NOL9: variants seen among roughly 807,000 people sequenced by gnomAD.
The protein encoded by NOL9 is polynucleotide 5'-hydroxyl-kinase NOL9.
A neutral mutation model predicts 67.9 loss-of-function variants in NOL9; 28 were observed. That is an observed-to-expected ratio of 0.41 (90% CI 0.31 to 0.57). The LOEUF (loss-of-function observed/expected upper bound fraction) is 0.57. NOL9 is among the 20% of genes least tolerant of loss of function. NOL9 has a pLI of 0.25. For synonymous variants in NOL9, 356 were observed against 352.2 expected (o/e 1.01, Z -0.12); for missense variants, 777 against 897.0 (o/e 0.87, Z 1.71).
At chr1:6,536,151 C>G (rs1255327837) in intron 6 of NOL9, among the ~76,000 whole-genome samples, 2 of 150,518 alleles carry the variant, frequency 1.3e-5, no homozygotes, top group Non-Finnish European at 3.0e-5. Context: ...TCGAGACCAT[C>G]CTGGCTAAAG....
rs1639074947 is a variant in NOL9 at position 6,533,263 on chromosome 1, T to C, written c.1237+17A>G. ...ACTGCCTGTCCTTCCCTTGCAGATG[T>C]GCACATGCAGGCTTACCTGAAACCC... On this transcript the variant is annotated intron_variant, in intron 7 of 11. Coordinates refer to ENST00000377705, the MANE Select transcript of NOL9 (RefSeq NM_024654.5). 1.3e-6 allele frequency: 2 copies of C among 1,564,306 alleles called. No individual in the cohort carries two copies. Among genetic ancestry groups the C allele is most frequent in the Non-Finnish European group, 1.7e-6 (2 of 1,151,776 alleles).
intron 3 of NOL9, among the ~76,000 whole-genome samples, chr1:6,546,363 T>G (rs1048337293): frequency 6.6e-6 from 1 of 152,202 alleles, no homozygotes; most frequent in Non-Finnish European, 1.5e-5. Context: ...TCTGCAGTCC[T>G]GGTCCAGCTA....
chr1:6,539,505 C>T (rs1006972863), intron 6 of NOL9, among the ~76,000 whole-genome samples: 3 of 151,712 alleles, frequency 2.0e-5, no homozygotes, highest in Non-Finnish European at 2.9e-5. Context: ...TTTATTGAGG[C>T]AGAATCTCAC....
Position 6,525,201 on chromosome 1 carries a change from TTGGTG to T in NOL9, c.*648_*652del, listed in dbSNP as rs1638855764. The T allele has an allele frequency of 6.6e-6, 1 of 152,116 alleles. No homozygotes were observed. Among genetic ancestry groups the T allele is most frequent in the Non-Finnish European group, 1.5e-5 (1 of 68,150 alleles). 9.4% of individuals were successfully genotyped at this position (152,116 alleles called of 1,614,324 possible). A position where few individuals can be genotyped will look rare whatever the true frequency, so the allele number is the denominator to read the frequency against. ...TACTCTGTCGCTCAGGCTGGAGTAG[TTGGTG>T]TACTCCAGCCTGGAACTCCGAGGCT... On this transcript the variant is annotated 3_prime_UTR_variant, in exon 12 of 12. Coordinates refer to ENST00000377705, the MANE Select transcript of NOL9 (RefSeq NM_024654.5).
At chr1:6,533,472 G>T in intron 6 of NOL9, 31 bp from the exon 7 acceptor site, 1 of 1,518,314 alleles carries the variant, frequency 6.6e-7, no homozygotes, top group Non-Finnish European at 8.9e-7. Flanking sequence ...AATCAGATGA[G>T]TAAGGTGAGT....
intron 1 of NOL9, among the ~76,000 whole-genome samples, chr1:6,553,208 A>G (rs1183413419): frequency 6.6e-6 from 1 of 151,930 alleles, no homozygotes; most frequent in Non-Finnish European, 1.5e-5. Context: ...GTTCAGACAG[A>G]CTCTACCACT....
intron 6 of NOL9, chr1:6,540,997 G>C (rs1348404937): frequency 6.9e-6 from 1 of 145,328 alleles, no homozygotes; most frequent in Non-Finnish European, 1.5e-5. Context: ...AAAATCTGTA[G>C]ACTGGTTAAC....
chr1:6,527,555 A>G (rs933360479), intron 10 of NOL9, among the ~76,000 whole-genome samples: 7 of 152,018 alleles, frequency 4.6e-5, no homozygotes, highest in African/African-American at 1.7e-4. Context: ...TCTGAGACAC[A>G]AGAATCACTT....
Position 6,524,411 on chromosome 1 carries a change from T to C in NOL9, c.*1443A>G, listed in dbSNP as rs907162515. ...TCTTAAATGCAGAAATGATGTGACC[T>C]GGTCCCATCACCCGTTTACACAAAC... On this transcript the variant is annotated 3_prime_UTR_variant, in exon 12 of 12. Transcript: ENST00000377705. 1.3e-5 allele frequency: 2 copies of C among 152,164 alleles called. No individual in the cohort carries two copies. Among genetic ancestry groups the C allele is most frequent in the African/African-American group, 4.8e-5 (2 of 41,444 alleles). The allele number at this position is 152,164 out of a possible 1,614,324, so 9.4% of individuals were successfully genotyped here. A position where few individuals can be genotyped will look rare whatever the true frequency, so the allele number is the denominator to read the frequency against.
Position 6,552,035 on chromosome 1 carries a change from A to G in NOL9, c.397-1420T>C, listed in dbSNP as rs548166502. ...GGGCAACAGAGCGAGACTCCATCTC[A>G]AAAAAAAAGAAAGAAAATCAAAATA... On this transcript the variant is annotated intron_variant, in intron 1 of 11. Coordinates refer to ENST00000377705, the MANE Select transcript of NOL9 (RefSeq NM_024654.5). 1.4e-4 allele frequency among the ~76,000 whole-genome samples: 21 copies of G among 150,784 alleles called. No homozygotes were observed. The East Asian group carries it at 4.1e-3, about 29-fold the overall frequency.
intron 5 of NOL9, among the ~76,000 whole-genome samples, chr1:6,543,606 C>A (rs1256381491): frequency 6.6e-6 from 1 of 152,152 alleles, no homozygotes; most frequent in African/African-American, 2.4e-5. Flanking sequence ...CTCAAGCCAG[C>A]CTCCCACTTT....
Position 6,532,764 on chromosome 1 carries a change from T to C in NOL9, c.1238-4A>G. The C allele has an allele frequency of 6.2e-7, 1 of 1,608,678 alleles. No homozygotes were observed. Among genetic ancestry groups the C allele is most frequent in the East Asian group, 2.2e-5 (1 of 44,800 alleles). On this transcript the variant is annotated splice_region_variant and splice_polypyrimidine_tract_variant and intron_variant, in intron 7 of 11. Coordinates refer to ENST00000377705, the MANE Select transcript of NOL9 (RefSeq NM_024654.5). ...ATGAGAAGCAGGAGCCCCTGGTCTG[T>C]GGGGAAGAGACATTAGCACAGCTGA...
chr1:6,532,362 C>A, intron 8 of NOL9, 101 bp downstream of exon 8: 3 of 1,109,510 alleles, frequency 2.7e-6, no homozygotes, highest in Non-Finnish European at 3.9e-6. Context: ...TGACAGGGAC[C>A]TGAAGATCTT....
intron 11 of NOL9, 141 bp downstream of exon 11, chr1:6,526,555 C>T (rs142714351): frequency 1.6e-4 from 133 of 812,864 alleles, no homozygotes; most frequent in East Asian, 6.0e-4. Context: ...GCCCTGACAC[C>T]GTCTCGGCTC....
intron 9 of NOL9, among the ~76,000 whole-genome samples, chr1:6,531,504 C>T (rs866677295): frequency 9.2e-5 from 14 of 152,074 alleles, no homozygotes; most frequent in African/African-American, 2.7e-4. Flanking sequence ...TGAGCCACCA[C>T]GCCCGGCTAA....
At chr1:6,526,899 T>G in intron 10 of NOL9, 70 bp from the exon 11 acceptor site, 1 of 1,496,856 alleles carries the variant, frequency 6.7e-7, no homozygotes, top group African/African-American at 1.4e-5. Flanking sequence ...CGTTAGAAAC[T>G]GCAGAATGGT....
At chr1:6,528,306 G>A (rs1342686145) in intron 10 of NOL9, among the ~76,000 whole-genome samples, 1 of 152,208 alleles carries the variant, frequency 6.6e-6, no homozygotes, top group African/African-American at 2.4e-5. Context: ...ATTCCTGGCT[G>A]TAGGGATGAA....
At chr1:6,531,071 C>A (rs1284102074) in intron 9 of NOL9, among the ~76,000 whole-genome samples, 2 of 152,202 alleles carry the variant, frequency 1.3e-5, no homozygotes, top group African/African-American at 2.4e-5. Context: ...AGAAGTGCTA[C>A]CTGCCGCTAG....
chr1:6,544,050 T>C (rs925891505), intron 5 of NOL9, among the ~76,000 whole-genome samples: 35 of 151,902 alleles, frequency 2.3e-4, no homozygotes, highest in Non-Finnish European at 7.4e-5. Flanking sequence ...CACTTGAACC[T>C]GGGAGGCGGA....
Sources: allele counts gnomAD v4.1 joint callset (sites outside exome capture counted in the v4.1 genomes callset), GRCh38; gene constraint gnomAD v4.1.1; transcripts MANE v1.5; gene names NCBI Gene and HGNC (gene_info 2026-07-23, HGNC 2026-07-21).